The following PPP2R3C variants were observed in gnomAD, a reference collection of about 807,000 sequenced individuals.
PPP2R3C encodes the protein serine/threonine-protein phosphatase 2A regulatory subunit B'' subunit gamma.
PPP2R3C carries 47 observed loss-of-function variants against 63.7 expected under a neutral mutation model. The observed-to-expected ratio is 0.74, with a 90% CI of 0.58 to 0.94. PPP2R3C has a LOEUF of 0.94. Ranked by LOEUF, PPP2R3C falls within the 40% of genes least tolerant of loss-of-function variation. The pLI is 0.00. For missense variants in PPP2R3C, 421 were observed against 518.4 expected, an observed-to-expected ratio of 0.81 and a Z score of 1.82; for synonymous variants, 180 against 177.4, an observed-to-expected ratio of 1.01 and a Z score of -0.12.
intron 1 of PPP2R3C, among the ~76,000 whole-genome samples, chr14:35,120,105 C>T (rs1162525630): frequency 6.6e-6 from 1 of 151,602 alleles, no homozygotes; most frequent in Non-Finnish European, 1.5e-5. Flanking sequence ...TCCCAAAGTG[C>T]TGGGATTACA....
chr14:35,121,562 A>G lies in PPP2R3C; in HGVS notation c.58+340T>C, dbSNP rs560986927. On this transcript the variant is annotated intron_variant, in intron 1 of 12. Coordinates refer to ENST00000261475, the MANE Select transcript of PPP2R3C (RefSeq NM_017917.4). ...ATATAAAATGGATTACGAGGGAAGCAAAAAGCGTGACAGTAAAAAGGCAGG... is the reference window on the plus strand; with the variant it reads ...ATATAAAATGGATTACGAGGGAAGCGAAAAGCGTGACAGTAAAAAGGCAGG... Among the ~76,000 whole-genome samples the G allele has an allele frequency of 8.1e-4, 124 of 152,360 alleles. No homozygotes were observed. In the Middle Eastern group the frequency reaches 0.014, roughly 17 times the overall value.
chr14:35,085,846 A>C, intron 12 of PPP2R3C, 68 bp from the exon 13 acceptor site: 3 of 1,306,810 alleles, frequency 2.3e-6, no homozygotes, highest in Non-Finnish European at 3.1e-6. Context: ...GTGATCCAAA[A>C]TTCAGGGCTG....
chr14:35,111,485 C>G (rs1156489911), intron 2 of PPP2R3C, among the ~76,000 whole-genome samples: 1 of 152,128 alleles, frequency 6.6e-6, no homozygotes, highest in Non-Finnish European at 1.5e-5. Context: ...AATAGCTCAT[C>G]CCAAAACTAA....
chr14:35,104,841 C>T (rs767638083), intron 6 of PPP2R3C, among the ~76,000 whole-genome samples: 2 of 152,004 alleles, frequency 1.3e-5, no homozygotes, highest in East Asian at 3.9e-4. Flanking sequence ...AAGCGATTCT[C>T]CTGCCTCAGC....
chr14:35,120,313 G>A (rs941951660), intron 1 of PPP2R3C, among the ~76,000 whole-genome samples: 14 of 150,458 alleles, frequency 9.3e-5, no homozygotes, highest in Admixed American at 3.3e-4. Flanking sequence ...GCACAATCTC[G>A]GGCTCACTGC....
intron 5 of PPP2R3C, 83 bp downstream of exon 5, chr14:35,108,056 T>G (rs1566420396): frequency 2.0e-6 from 3 of 1,508,536 alleles, no homozygotes; most frequent in Non-Finnish European, 2.7e-6. Context: ...TGATTTCACA[T>G]AGAAGAAATA....
chr14:35,121,763 T>C, intron 1 of PPP2R3C, 139 bp downstream of exon 1: 2 of 952,778 alleles, frequency 2.1e-6, no homozygotes, highest in Non-Finnish European at 3.2e-6. Flanking sequence ...TTAAACCACA[T>C]TCCACTCCGC....
chr14:35,116,785 C>G (rs2046723462), intron 1 of PPP2R3C, 48 bp from the exon 2 acceptor site: 1 of 1,434,764 alleles, frequency 7.0e-7, no homozygotes, highest in Non-Finnish European at 9.3e-7. Context: ...TCAAGCAGTA[C>G]TTTTACTCAG....
chr14:35,095,580 C>T (rs1220617767), intron 9 of PPP2R3C, among the ~76,000 whole-genome samples: 5 of 151,444 alleles, frequency 3.3e-5, no homozygotes, highest in Middle Eastern at 3.4e-3. Flanking sequence ...TGGCTCACGC[C>T]GGTAATCCCA....
At position 35,095,177 on chromosome 14, in the gene PPP2R3C, G is replaced by A. The variant is rs1341337014; in HGVS notation, c.846C>T (p.Tyr282=). The A allele has an allele frequency of 6.2e-7, 1 of 1,613,068 alleles. No individual in the cohort carries two copies. The highest frequency in any genetic ancestry group is 1.3e-5 in the African/African-American group (1 of 74,900). ...APSALRVYGQ[Y]LNLDKDHNGM... Reference sequence around the variant, plus strand: ...CATTGTGATCTTTATCAAGATTCAAGTACTGGCCTTGGGAAGAAAAATAAT... The same window carrying A: ...CATTGTGATCTTTATCAAGATTCAAATACTGGCCTTGGGAAGAAAAATAAT... The change falls in exon 10 of 13, where the codon TAC becomes TAT. Residue 282 remains tyrosine (Y), a synonymous_variant. Coordinates refer to ENST00000261475, the MANE Select transcript of PPP2R3C (RefSeq NM_017917.4).
chr14:35,121,829 C>T, intron 1 of PPP2R3C, 73 bp downstream of exon 1: 1 of 1,542,280 alleles, frequency 6.5e-7, no homozygotes, highest in South Asian at 1.1e-5. Context: ...CTTGCTCCTC[C>T]TCCCCACCTC....
At chr14:35,100,067 AACAT>A (rs2046137462) in intron 6 of PPP2R3C, 1 of 152,160 alleles carries the variant, frequency 6.6e-6, no homozygotes, top group African/African-American at 2.4e-5. Context: ...AGGATGTATC[AACAT>A]ACCATGAAAA....
At chr14:35,108,310 A>T in intron 4 of PPP2R3C, 74 bp from the exon 5 acceptor site, 2 of 1,465,102 alleles carry the variant, frequency 1.4e-6, no homozygotes, top group Non-Finnish European at 1.8e-6. Flanking sequence ...ATTAGCAAAC[A>T]ATGGCATAAA....
chr14:35,112,793 T>C (rs905760666), intron 2 of PPP2R3C: 1 of 152,212 alleles, frequency 6.6e-6, no homozygotes, highest in African/African-American at 2.4e-5. Flanking sequence ...AAAAGCTTCA[T>C]CTGCATGATA....
chr14:35,096,750 G>T lies in PPP2R3C; in HGVS notation c.721C>A (p.Gln241Lys). 6.3e-7 allele frequency: 1 copy of T among 1,584,862 alleles called. No homozygotes were observed. Among genetic ancestry groups the T allele is most frequent in the Non-Finnish European group, 8.6e-7 (1 of 1,164,696 alleles). Residue 241 changes from glutamine (Q) to lysine (K), a missense_variant, in exon 8 of 13, where the codon CAA becomes AAA. This residue lies in a region of PPP2R3C where 231 missense variants were observed against 264.8 expected (regional missense o/e 0.87). Coordinates refer to ENST00000261475, the MANE Select transcript of PPP2R3C (RefSeq NM_017917.4). Reference protein sequence around the residue: ...DPLRTGKIKIQDILACSFLDD... With the variant: ...DPLRTGKIKIKDILACSFLDD... ...AGGAAGCTGCATGCTAAAATATCTT[G>T]AATTTTTATCTTTCCTTTAAGAACA...
chr14:35,090,360 G>A (rs1671347454), intron 11 of PPP2R3C, among the ~76,000 whole-genome samples: 2 of 150,134 alleles, frequency 1.3e-5, no homozygotes, highest in Admixed American at 1.4e-4. Context: ...TCCTGCCTCA[G>A]CCTCCCAAGT....
intron 5 of PPP2R3C, chr14:35,107,905 G>T: frequency 2.2e-6 from 1 of 452,198 alleles, no homozygotes; most frequent in South Asian, 6.4e-5. Flanking sequence ...AAAACTCTTG[G>T]TTCAGCTCTT....
intron 4 of PPP2R3C, among the ~76,000 whole-genome samples, chr14:35,108,904 C>T (rs2046450997): frequency 6.6e-6 from 1 of 151,982 alleles, no homozygotes; most frequent in African/African-American, 2.4e-5. Context: ...GGCACCATGC[C>T]TAGCCTAAGT....
At chr14:35,110,725 C>T (rs991805945) in intron 2 of PPP2R3C, 96 bp from the exon 3 acceptor site, 10 of 713,710 alleles carry the variant, frequency 1.4e-5, no homozygotes, top group Non-Finnish European at 2.3e-5. Flanking sequence ...GCCACCGCCT[C>T]GAATTATTTC....
Sources: gnomAD v4.1 joint callset for allele counts (sites outside exome capture counted in the v4.1 genomes callset) on GRCh38, gnomAD v4.1.1 for gene constraint, gnomAD v4.1.1 regional missense constraint, MANE v1.5 for transcripts, NCBI Gene and HGNC (gene_info 2026-07-23, HGNC 2026-07-21) for gene names.